The following NAALADL2 variants were observed in gnomAD, a reference collection of about 807,000 sequenced individuals.
NAALADL2 encodes the protein inactive N-acetylated-alpha-linked acidic dipeptidase-like protein 2.
NAALADL2 carries 76 observed loss-of-function variants against 87.2 expected under a neutral mutation model. The ratio of observed to expected loss-of-function variants is 0.87; its 90% CI spans 0.72 to 1.05. NAALADL2 has a LOEUF of 1.05. NAALADL2 is among the 50% of genes least tolerant of loss of function. NAALADL2 has a pLI of 0.00. For missense variants in NAALADL2, 1,089 were observed against 945.8 expected, an observed-to-expected ratio of 1.15 and a Z score of -1.99; for synonymous variants, 354 against 331.0, an observed-to-expected ratio of 1.07 and a Z score of -0.75.
intron 9 of NAALADL2, among the ~76,000 whole-genome samples, chr3:175,483,851 T>C (rs559183716): frequency 6.6e-6 from 1 of 152,260 alleles, no homozygotes; most frequent in African/African-American, 2.4e-5. Context: ...TACTAATATT[T>C]AGTGAGCATG....
chr3:174,930,891 G>C lies in NAALADL2; in HGVS notation c.43+71441G>C, dbSNP rs898287616. The stretch of plus-strand genomic sequence containing the variant: ...CCCACCTCGGCCTCCCAAAGTGCTG[G>C]GATTACAGGCATGAGCCACCACGCC... On this transcript the variant is annotated intron_variant, in intron 1 of 13. Transcript: ENST00000454872. 4.0e-5 allele frequency among the ~76,000 whole-genome samples: 6 copies of C among 151,686 alleles called. No homozygotes were observed. In the South Asian group the frequency reaches 6.3e-4, roughly 16 times the overall value.
chr3:175,130,562 A>G (rs769778154), intron 2 of NAALADL2, among the ~76,000 whole-genome samples: 5 of 152,192 alleles, frequency 3.3e-5, no homozygotes, highest in Non-Finnish European at 5.9e-5. Context: ...TTTTGCCTAT[A>G]GATATTCAGC....
chr3:174,752,112 G>A (rs1734892529), intron 3 of NAALADL2, among the ~76,000 whole-genome samples: 1 of 151,866 alleles, frequency 6.6e-6, no homozygotes. Context: ...CGAGTAGCTG[G>A]GACTATAGGC....
intron 1 of NAALADL2, among the ~76,000 whole-genome samples, chr3:175,046,436 C>T (rs1275304191): frequency 1.3e-5 from 2 of 151,982 alleles, no homozygotes; most frequent in Admixed American, 6.6e-5. Context: ...CTATTGTTGT[C>T]CATATTTCCA....
chr3:175,536,411 T>C (rs77851527), intron 9 of NAALADL2, among the ~76,000 whole-genome samples: 3,122 of 152,232 alleles, frequency 0.021, 105 homozygotes, highest in African/African-American at 0.071. Flanking sequence ...AATACTAATT[T>C]TGCCTACAAT....
chr3:175,121,722 C>T (rs1440497021), intron 2 of NAALADL2, among the ~76,000 whole-genome samples: 2 of 151,874 alleles, frequency 1.3e-5, no homozygotes, highest in African/African-American at 2.4e-5. Flanking sequence ...TGCAGGTCCT[C>T]ATTCCACAGA....
Position 175,004,657 on chromosome 3 carries a change from A to T in NAALADL2, c.44-92133A>T, listed in dbSNP as rs145198050. Among the ~76,000 whole-genome samples the T allele has an allele frequency of 6.5e-4, 99 of 152,272 alleles. 1 individual carries two copies. The highest frequency in any genetic ancestry group is 1.2e-3 in the Non-Finnish European group (85 of 68,006). On this transcript the variant is annotated intron_variant, in intron 1 of 13. Transcript: ENST00000454872. ...TGAATGATGGTAATGCCAAACAACC[A>T]CAAGTTGTCCACGTAAGTGGCTCAG...
intron 13 of NAALADL2, among the ~76,000 whole-genome samples, chr3:175,801,073 C>CTCAA (rs1754090342): frequency 6.6e-6 from 1 of 152,070 alleles, no homozygotes; most frequent in African/African-American, 2.4e-5. Flanking sequence ...TGATCAAGAA[C>CTCAA]TCAATCAAGT....
chr3:175,183,519 T>C (rs1736906398), intron 2 of NAALADL2, among the ~76,000 whole-genome samples: 1 of 152,128 alleles, frequency 6.6e-6, no homozygotes, highest in Admixed American at 6.6e-5. Context: ...CTTCTATATC[T>C]AATTTGTTGA....
chr3:174,987,764 C>A (rs979791155), intron 1 of NAALADL2, among the ~76,000 whole-genome samples: 1 of 139,100 alleles, frequency 7.2e-6, no homozygotes, highest in Non-Finnish European at 1.5e-5. Flanking sequence ...GTAGCTAGGA[C>A]CCCAGGCATG....
At position 174,760,896 on chromosome 3, in the gene NAALADL2, G is replaced by A. The variant is rs571929008; in HGVS notation, c.-9+23150G>A. Among the ~76,000 whole-genome samples the A allele has an allele frequency of 3.9e-5, 6 of 152,316 alleles. No homozygotes were observed. In the South Asian group the frequency reaches 1.2e-3, roughly 32 times the overall value. ...ACTTTTATTCTTTGTGATTGTCCAA[G>A]TCTAGCAAATGGGGGACAAAGAGAA... On this transcript the variant is annotated intron_variant, in intron 3 of 3. Transcript: ENST00000434257.
chr3:174,441,086 G>A (rs913819455), intron 1 of NAALADL2: 1 of 152,202 alleles, frequency 6.6e-6, no homozygotes, highest in East Asian at 1.9e-4. Flanking sequence ...TCCGCGCTCT[G>A]AGGCGGCGCG....
At chr3:175,691,642 TA>T (rs1274691276) in intron 11 of NAALADL2, among the ~76,000 whole-genome samples, 4 of 152,014 alleles carry the variant, frequency 2.6e-5, no homozygotes, top group African/African-American at 9.7e-5. Flanking sequence ...AAATATATAT[TA>T]AAAAATGCTG....
chr3:175,727,592 C>T (rs1467608791), intron 11 of NAALADL2, among the ~76,000 whole-genome samples: 1 of 152,160 alleles, frequency 6.6e-6, no homozygotes, highest in African/African-American at 2.4e-5. Context: ...AACCTACCAC[C>T]TAAGGTAGTC....
At chr3:175,357,166 T>C (rs1453546023) in intron 5 of NAALADL2, among the ~76,000 whole-genome samples, 1 of 152,166 alleles carries the variant, frequency 6.6e-6, no homozygotes, top group African/African-American at 2.4e-5. Flanking sequence ...TTCATAGACA[T>C]CTTCCATCCA....
chr3:175,752,956 CTATA>C (rs1746794600), intron 12 of NAALADL2, among the ~76,000 whole-genome samples: 1 of 152,038 alleles, frequency 6.6e-6, no homozygotes, highest in African/African-American at 2.4e-5. Flanking sequence ...TTGAAGTTAT[CTATA>C]CATTAACTTT....
chr3:174,616,118 A>G (rs1208718479), intron 2 of NAALADL2, among the ~76,000 whole-genome samples: 1 of 151,974 alleles, frequency 6.6e-6, no homozygotes, highest in Non-Finnish European at 1.5e-5. Context: ...TATCAGTCTT[A>G]GAGTATTTTT....
chr3:175,353,139 T>TG, intron 5 of NAALADL2, among the ~76,000 whole-genome samples: 1 of 151,662 alleles, frequency 6.6e-6, no homozygotes. Flanking sequence ...TGTGTGTGTG[T>TG]TTGGCTCTGT....
At chr3:175,116,746 C>CA (rs768291039) in intron 2 of NAALADL2, among the ~76,000 whole-genome samples, 57 of 151,248 alleles carry the variant, frequency 3.8e-4, no homozygotes, top group African/African-American at 1.1e-3. Flanking sequence ...ACAACAACAA[C>CA]AAAAAAACCA....
Sources: allele counts gnomAD v4.1 joint callset (sites outside exome capture counted in the v4.1 genomes callset), GRCh38; gene constraint gnomAD v4.1.1; transcripts MANE v1.5; gene names NCBI Gene and HGNC (gene_info 2026-07-23, HGNC 2026-07-21).